Variants in IRAG2 observed in about 807,000 individuals in gnomAD.
The protein encoded by IRAG2 is inositol 1,4,5-triphosphate receptor associated 2.
IRAG2 carries 45 observed loss-of-function variants against 69.9 expected under a neutral mutation model. That is an observed-to-expected ratio of 0.64 (90% CI 0.51 to 0.83). IRAG2 has a LOEUF of 0.83. IRAG2 is among the 40% of genes least tolerant of loss of function. The pLI is 0.00. For missense variants in IRAG2, 520 were observed against 587.0 expected (o/e 0.89, Z 1.18); for synonymous variants, 193 against 202.4 (o/e 0.95, Z 0.40).
chr12:25,099,871 G>A (rs956509538), intron 15 of IRAG2, among the ~76,000 whole-genome samples: 1 of 151,542 alleles, frequency 6.6e-6, no homozygotes, highest in Non-Finnish European at 1.5e-5. Flanking sequence ...GTGGTGGCAC[G>A]TGCCTATAAT....
intron 6 of IRAG2, 77 bp downstream of exon 6, chr12:25,069,508 CCTGT>C (rs1946189304): frequency 3.8e-6 from 5 of 1,298,782 alleles, no homozygotes; most frequent in South Asian, 1.3e-5. Context: ...ATTCTTTTTC[CCTGT>C]CTTTTTTATT....
At chr12:25,049,547 G>T (rs1193155381), upstream of IRAG2, among the ~76,000 whole-genome samples, 2 of 152,124 alleles carry the variant, frequency 1.3e-5, no homozygotes, top group Non-Finnish European at 2.9e-5. Flanking sequence ...TTTAAAAATA[G>T]ACAAAAGACT....
chr12:25,053,012 T>C (rs1944943403), intron 1 of IRAG2, 56 bp downstream of exon 1: 2 of 398,238 alleles, frequency 5.0e-6, no homozygotes, highest in South Asian at 1.3e-4. Context: ...AGGCGGGGCA[T>C]AGGACTACAG....
Position 25,101,221 on chromosome 12 carries a change from TAGAA to T in IRAG2, c.787_790del (p.Glu263ThrfsTer2). 1 of 1,612,744 alleles carries T rather than the reference TAGAA, an allele frequency of 6.2e-7. No individual in the cohort carries two copies. Among genetic ancestry groups the T allele is most frequent in the East Asian group, 2.2e-5 (1 of 44,804 alleles). On this transcript the variant is annotated frameshift_variant, in exon 16 of 22. Transcript: ENST00000556887. LOFTEE classifies it high-confidence loss of function. ...GCAGTTGAAGTGATGATTCAGCACGTAGAAAACTTGAAGAGGATGTATGCCAAAG... is the reference window on the plus strand; with the variant it reads ...GCAGTTGAAGTGATGATTCAGCACGTAACTTGAAGAGGATGTATGCCAAAG...
At chr12:25,026,444 G>T (rs2139841875) in intron 8 of IRAG2, among the ~76,000 whole-genome samples, 1 of 152,244 alleles carries the variant, frequency 6.6e-6, no homozygotes, top group African/African-American at 2.4e-5. Flanking sequence ...ATAAAGAGGG[G>T]TCTGAGTTCA....
In IRAG2 at chr12:25,108,108, C is replaced by G. The variant is rs963435391; in HGVS notation, c.*48C>G. 1.3e-6 allele frequency: 2 copies of G among 1,585,674 alleles called. No individual in the cohort carries two copies. The highest frequency in any genetic ancestry group is 2.7e-5 in the African/African-American group (2 of 74,054). Reference sequence around the variant, plus strand: ...GATCTTGATTTTTAAGTTTCAGTATCTGAACTTCGTAAATTAGTAACTTTT... The same window carrying G: ...GATCTTGATTTTTAAGTTTCAGTATGTGAACTTCGTAAATTAGTAACTTTT... On this transcript the variant is annotated 3_prime_UTR_variant, in exon 22 of 22. Coordinates refer to ENST00000556887, the MANE Select transcript of IRAG2 (RefSeq NM_001366544.2).
At chr12:25,062,705 T>A (rs1945708046) in intron 2 of IRAG2, 115 bp from the exon 3 acceptor site, 1 of 395,902 alleles carries the variant, frequency 2.5e-6, no homozygotes, top group African/African-American at 2.1e-5. Context: ...AAAGAACTTG[T>A]CAATTTCACC....
intron 16 of IRAG2, 108 bp downstream of exon 16, chr12:25,101,433 A>T: frequency 1.4e-6 from 1 of 719,126 alleles, no homozygotes; most frequent in East Asian, 3.1e-5. Context: ...GGTTAACTTT[A>T]TATTAGAAAA....
At chr12:25,088,875 G>GCC (rs1389572585) in intron 11 of IRAG2, among the ~76,000 whole-genome samples, 1 of 151,996 alleles carries the variant, frequency 6.6e-6, no homozygotes. Context: ...TAGAAAAGTG[G>GCC]CACCAAAGTT....
chr12:25,017,619 G>T (rs770349039), intron 6 of IRAG2, among the ~76,000 whole-genome samples: 10 of 152,064 alleles, frequency 6.6e-5, no homozygotes, highest in South Asian at 2.1e-4. Context: ...TCTGCAGGCT[G>T]AGGCAAGAAA....
At chr12:25,044,077 A>G (rs1591936428) in intron 16 of IRAG2, among the ~76,000 whole-genome samples, 1 of 152,342 alleles carries the variant, frequency 6.6e-6, no homozygotes. Context: ...ATAAGTAAAA[A>G]TAACTATAAA....
In IRAG2 at chr12:25,005,401, T is replaced by A. The variant is rs1200831189; in HGVS notation, c.688+47T>A. ...TAAACATTTGGTAGGACTGTCCAAG[T>A]CATCTGAACTTTCTATTGTGAGAGA... On this transcript the variant is annotated intron_variant, in intron 2 of 38. Transcript: ENST00000636465. The A allele has an allele frequency of 1.9e-5, 15 of 779,940 alleles. No individual in the cohort carries two copies. The East Asian group carries it at 4.0e-4, about 21-fold the overall frequency. The allele number at this position is 779,940 out of a possible 1,614,324, so 48.3% of individuals were successfully genotyped here.
At chr12:25,002,685 C>T (rs1229350024), upstream of IRAG2, among the ~76,000 whole-genome samples, 1 of 151,360 alleles carries the variant, frequency 6.6e-6, no homozygotes, top group Non-Finnish European at 1.5e-5. Context: ...TCTGTCCCCC[C>T]GGCTAGAGTG....
chr12:25,046,786 CAAA>C (rs1181337034), intron 16 of IRAG2, among the ~76,000 whole-genome samples: 1 of 152,090 alleles, frequency 6.6e-6, no homozygotes, highest in Non-Finnish European at 1.5e-5. Flanking sequence ...CAATCCCTAA[CAAA>C]AATTCCAATC....
intron 6 of IRAG2, among the ~76,000 whole-genome samples, chr12:25,072,031 C>T (rs1009456221): frequency 6.6e-6 from 1 of 151,980 alleles, no homozygotes. Flanking sequence ...TAGTGAAACC[C>T]AATTTCTACT....
rs114806345 is a variant in IRAG2 at position 25,033,981 on chromosome 12, A to G, written c.1743+34A>G. On this transcript the variant is annotated intron_variant, in intron 13 of 38. Transcript: ENST00000636465. ...TTATAAGAAGATGGAAAGCTTTGAA[A>G]GATAACTACCCCATGTGATAGCTTA... 4.1e-3 allele frequency: 1,626 copies of G among 398,922 alleles called. 22 individuals carry two copies. Among genetic ancestry groups the G allele is most frequent in the African/African-American group, 0.03 (1,444 of 48,756 alleles). The allele number at this position is 398,922 out of a possible 1,614,324, so 24.7% of individuals were successfully genotyped here.
At chr12:25,028,344 G>C (rs956884369) in intron 9 of IRAG2, among the ~76,000 whole-genome samples, 6 of 152,054 alleles carry the variant, frequency 3.9e-5, no homozygotes, top group African/African-American at 1.4e-4. Context: ...GCCCAGATTT[G>C]TTATCTTTTT....
chr12:25,061,152 C>G (rs1945610879), intron 1 of IRAG2, among the ~76,000 whole-genome samples: 1 of 152,054 alleles, frequency 6.6e-6, no homozygotes, highest in Admixed American at 6.6e-5. Context: ...CATTATTTTC[C>G]CTTTCCTTTT....
intron 6 of IRAG2, chr12:25,020,785 C>G (rs1351317575): frequency 3.3e-6 from 4 of 1,221,832 alleles, no homozygotes; most frequent in Non-Finnish European, 4.1e-6. Flanking sequence ...CCCCCACCCC[C>G]ACAGTGCCCA....
Sources: gnomAD v4.1 joint callset for allele counts (sites outside exome capture counted in the v4.1 genomes callset) on GRCh38, gnomAD v4.1.1 for gene constraint, MANE v1.5 for transcripts, NCBI Gene and HGNC (gene_info 2026-07-23, HGNC 2026-07-21) for gene names.